The following SLC1A7 variants were observed in gnomAD, a reference collection of about 807,000 sequenced individuals.
The protein encoded by SLC1A7 is excitatory amino acid transporter 5.
SLC1A7 carries 40 observed loss-of-function variants against 47.7 expected under a neutral mutation model. The ratio of observed to expected loss-of-function variants is 0.84; its 90% CI spans 0.65 to 1.09. The LOEUF is 1.09. SLC1A7 is among the 50% of genes least tolerant of loss of function. SLC1A7 has a pLI of 0.00. For missense variants in SLC1A7, 746 were observed against 769.5 expected, an observed-to-expected ratio of 0.97 and a Z score of 0.36; for synonymous variants, 323 against 325.6, an observed-to-expected ratio of 0.99 and a Z score of 0.09.
chr1:53,093,247 T>C (rs1447149315), intron 6 of SLC1A7, among the ~76,000 whole-genome samples: 3 of 152,176 alleles, frequency 2.0e-5, no homozygotes, highest in Non-Finnish European at 4.4e-5. Flanking sequence ...GCAGAGCTCT[T>C]AGACCAGGCT....
chr1:53,142,579 C>A lies in SLC1A7; in HGVS notation c.-130G>T. On this transcript the variant is annotated 5_prime_UTR_variant, in exon 1 of 11. Coordinates refer to ENST00000371494, the MANE Select transcript of SLC1A7 (RefSeq NM_006671.6). ...GTGGTCGGAGTTGCTAAACACCAGT[C>A]GCCAGCCCCACGGCCATGCCCGTGT... 6 of 1,044,302 alleles carry A rather than the reference C, an allele frequency of 5.7e-6. No homozygotes were observed. The highest frequency in any genetic ancestry group is 1.7e-5 in the South Asian group (1 of 58,794). The allele number at this position is 1,044,302 out of a possible 1,614,324, so 64.7% of individuals were successfully genotyped here. A position where few individuals can be genotyped will look rare whatever the true frequency, so the allele number is the denominator to read the frequency against.
At chr1:53,125,157 C>T (rs1644868590) in intron 2 of SLC1A7, among the ~76,000 whole-genome samples, 1 of 152,136 alleles carries the variant, frequency 6.6e-6, no homozygotes, top group Admixed American at 6.6e-5. Flanking sequence ...AGGGCAAAAC[C>T]ATGGGAGGGG....
chr1:53,105,866 T>G, intron 3 of SLC1A7, 92 bp from the exon 4 acceptor site: 1 of 1,028,268 alleles, frequency 9.7e-7, no homozygotes, highest in Non-Finnish European at 1.5e-6. Context: ...ACATCTCCTT[T>G]GGTGGTCGGG....
intron 2 of SLC1A7, among the ~76,000 whole-genome samples, chr1:53,117,380 C>T (rs746186518): frequency 1.3e-5 from 2 of 152,080 alleles, no homozygotes; most frequent in Non-Finnish European, 2.9e-5. Flanking sequence ...GAAGGGAGAA[C>T]GAAAAATTCC....
At chr1:53,096,512 A>T (rs1055542254) in intron 5 of SLC1A7, among the ~76,000 whole-genome samples, 10 of 148,378 alleles carry the variant, frequency 6.7e-5, no homozygotes, top group South Asian at 6.5e-4. Context: ...CGGTACACTC[A>T]CACGCACATA....
chr1:53,119,821 T>C (rs1644800169), intron 2 of SLC1A7, among the ~76,000 whole-genome samples: 1 of 152,196 alleles, frequency 6.6e-6, no homozygotes, highest in Non-Finnish European at 1.5e-5. Context: ...AGATGGAGGC[T>C]TCCAGATAGA....
At chr1:53,132,517 A>G (rs1644951852) in intron 2 of SLC1A7, among the ~76,000 whole-genome samples, 1 of 152,122 alleles carries the variant, frequency 6.6e-6, no homozygotes, top group Non-Finnish European at 1.5e-5. Context: ...AAAAGGAGGC[A>G]GTTTTCTGGG....
chr1:53,093,481 C>A lies in SLC1A7; in HGVS notation c.777G>T (p.Lys259Asn). 1.9e-6 allele frequency: 3 copies of A among 1,611,122 alleles called. No homozygotes were observed. The highest frequency in any genetic ancestry group is 2.2e-5 in the East Asian group (1 of 44,840). Residue 259 changes from lysine (K) to asparagine (N), a missense_variant, in exon 6 of 11, where the codon AAG (lysine) becomes AAT (asparagine). Lys to Asn is a moderately conservative substitution (Grantham distance 94). Coordinates refer to ENST00000371494, the MANE Select transcript of SLC1A7 (RefSeq NM_006671.6). ...FCQCLNESVM[K>N]IVAVAVWYFP... ...CTTACCACACAGCCACCGCCACGAT[C>A]TTCATGACCGACTCATTGAGGCACT...
chr1:53,093,670 C>A (rs999256318), intron 5 of SLC1A7, 110 bp from the exon 6 acceptor site: 22 of 705,962 alleles, frequency 3.1e-5, no homozygotes, highest in African/African-American at 2.1e-4. Context: ...GCACTCCCCC[C>A]ACTCCCCCCA....
chr1:53,142,567 C>A lies in SLC1A7; in HGVS notation c.-118G>T. On this transcript the variant is annotated 5_prime_UTR_variant, in exon 1 of 11. An upstream open reading frame in the 5' UTR loses its in-frame stop. Coordinates refer to ENST00000371494, the MANE Select transcript of SLC1A7 (RefSeq NM_006671.6). ...CTCAGCAGGCAGGTGGTCGGAGTTG[C>A]TAAACACCAGTCGCCAGCCCCACGG... 2 of 1,216,500 alleles carry A rather than the reference C, an allele frequency of 1.6e-6. No individual in the cohort carries two copies. The highest frequency in any genetic ancestry group is 1.1e-6 in the Non-Finnish European group (1 of 893,594). The allele number at this position is 1,216,500 out of a possible 1,614,324, so 75.4% of individuals were successfully genotyped here.
intron 1 of SLC1A7, among the ~76,000 whole-genome samples, chr1:53,136,664 A>ATTTTT (rs1390359637): frequency 1.3e-4 from 6 of 46,950 alleles, no homozygotes; most frequent in African/African-American, 5.1e-4. Context: ...ATATATATAT[A>ATTTTT]TATTTTTTTT....
intron 2 of SLC1A7, among the ~76,000 whole-genome samples, chr1:53,126,404 T>C (rs995922127): frequency 6.6e-6 from 1 of 152,064 alleles, no homozygotes; most frequent in Non-Finnish European, 1.5e-5. Flanking sequence ...ATGATGGGAC[T>C]CCACTATAAG....
chr1:53,142,265 C>T lies in SLC1A7; in HGVS notation c.135+50G>A, dbSNP rs547326285. On this transcript the variant is annotated intron_variant, in intron 1 of 10. Coordinates refer to ENST00000371494, the MANE Select transcript of SLC1A7 (RefSeq NM_006671.6). ...AGAACGGGACCCCAGATCCCTCAGG[C>T]CCACACGCCCCTCCTGGACAGGGGT... is the stretch of plus-strand genomic sequence containing the variant. 23 of 1,535,000 alleles carry T rather than the reference C, an allele frequency of 1.5e-5. No homozygotes were observed. The East Asian group carries it at 5.6e-4, about 38-fold the overall frequency.
rs1469812874 is a variant in SLC1A7, at chr1:53,087,658, CG to C, written c.*350del. The C allele has an allele frequency of 1.1e-5, 2 of 177,972 alleles. No homozygotes were observed. Among genetic ancestry groups the C allele is most frequent in the African/African-American group, 4.7e-5 (2 of 42,636 alleles). 11.0% of individuals were successfully genotyped at this position (177,972 alleles called of 1,614,324 possible). On this transcript the variant is annotated 3_prime_UTR_variant, in exon 11 of 11. Coordinates refer to ENST00000371494, the MANE Select transcript of SLC1A7 (RefSeq NM_006671.6). Reference sequence around the variant, plus strand: ...ATTTGAGTTAGTGTCTTGACCTTAACGTGAGACCTTGGACAAGTGTTTTCAG... The same window carrying C: ...ATTTGAGTTAGTGTCTTGACCTTAACTGAGACCTTGGACAAGTGTTTTCAG...
chr1:53,090,249 C>T, intron 8 of SLC1A7: 2 of 547,552 alleles, frequency 3.7e-6, no homozygotes, highest in South Asian at 4.3e-5. Context: ...CTGACCACCA[C>T]ATGGCTCTGC....
chr1:53,118,543 T>C (rs1263626572), intron 2 of SLC1A7: 1 of 152,184 alleles, frequency 6.6e-6, no homozygotes, highest in African/African-American at 2.4e-5. Flanking sequence ...TGAAGCACTG[T>C]GGAGTTCCAC....
At chr1:53,130,800 A>T (rs1644934899) in intron 2 of SLC1A7, among the ~76,000 whole-genome samples, 2 of 152,104 alleles carry the variant, frequency 1.3e-5, no homozygotes, top group South Asian at 4.1e-4. Flanking sequence ...GCCCTGAGTA[A>T]CAACCTCACA....
rs922107794 is a variant in SLC1A7, at chr1:53,093,448, TGAG to T, written c.797+10_797+12del. The T allele has an allele frequency of 4.4e-6, 7 of 1,598,164 alleles. No homozygotes were observed. Among genetic ancestry groups the T allele is most frequent in the South Asian group, 1.1e-5 (1 of 88,796 alleles). ...GGCTGGCCGGGGTGAGGTGGGTAAA[TGAG>T]GAGGCTTACCACACAGCCACCGCCA... On this transcript the variant is annotated intron_variant, in intron 6 of 10. Transcript: ENST00000371494.
At chr1:53,139,248 G>A (rs1348745464) in intron 1 of SLC1A7, among the ~76,000 whole-genome samples, 1 of 152,180 alleles carries the variant, frequency 6.6e-6, no homozygotes, top group Non-Finnish European at 1.5e-5. Context: ...CTTTATAGCA[G>A]AATTTAGAGA....
Sources: gnomAD v4.1 joint callset for allele counts (sites outside exome capture counted in the v4.1 genomes callset) on GRCh38, gnomAD v4.1.1 for gene constraint, MANE v1.5 for transcripts, NCBI Gene and HGNC (gene_info 2026-07-23, HGNC 2026-07-21) for gene names.